Variants in MCC observed in about 807,000 individuals in gnomAD.
The protein encoded by MCC is MCC regulator of Wnt signaling pathway, also known as colorectal mutant cancer protein.
MCC carries 90 observed loss-of-function variants against 116.2 expected under a neutral mutation model. The ratio of observed to expected loss-of-function variants is 0.77; its 90% confidence interval spans 0.65 to 0.92. MCC has a LOEUF of 0.92. Among genes scored for constraint, MCC ranks in the 40% least tolerant of loss-of-function variants. The probability of loss-of-function intolerance (pLI) is 0.00; values close to 1 mark genes in which losing one functional copy is unlikely to be tolerated. For missense variants in MCC, 1,516 were observed against 1,312.2 expected (o/e 1.16, Z -2.40); for synonymous variants, 578 against 510.5 (o/e 1.13, Z -1.78).
At chr5:113,210,961 G>A (rs1002487738) in intron 3 of MCC, among the ~76,000 whole-genome samples, 3 of 152,188 alleles carry the variant, frequency 2.0e-5, no homozygotes, top group Non-Finnish European at 4.4e-5. Context: ...TAAAGGCTTT[G>A]TAAATTAGCT....
intron 6 of MCC, among the ~76,000 whole-genome samples, chr5:113,115,009 G>T (rs1161699160): frequency 1.3e-5 from 2 of 152,182 alleles, no homozygotes; most frequent in African/African-American, 4.8e-5. Flanking sequence ...GGCCCACTGA[G>T]CTGCTTAACA....
At chr5:113,295,054 A>T in intron 3 of MCC, 1 of 611,804 alleles carries the variant, frequency 1.6e-6, no homozygotes, top group Non-Finnish European at 2.0e-6. Context: ...AGCAGAGGAG[A>T]CCGTGCTGGG....
intron 2 of MCC, among the ~76,000 whole-genome samples, chr5:113,361,703 C>G (rs1436385282): frequency 6.6e-6 from 1 of 152,194 alleles, no homozygotes; most frequent in Non-Finnish European, 1.5e-5. Flanking sequence ...TAAGGAAGAT[C>G]TGCCTTCACC....
chr5:113,048,137 G>A (rs1021382637), intron 16 of MCC, among the ~76,000 whole-genome samples: 1 of 152,136 alleles, frequency 6.6e-6, no homozygotes. Context: ...ATGTAAATGG[G>A]GATAACTATT....
At chr5:113,275,934 T>C (rs1033590200) in intron 3 of MCC, among the ~76,000 whole-genome samples, 68 of 152,236 alleles carry the variant, frequency 4.5e-4, no homozygotes, top group African/African-American at 1.4e-3. Context: ...AAATTCCCTT[T>C]TTACAAAACA....
chr5:113,465,824 T>C (rs1195311148), intron 1 of MCC, among the ~76,000 whole-genome samples: 1 of 152,190 alleles, frequency 6.6e-6, no homozygotes, highest in Non-Finnish European at 1.5e-5. Flanking sequence ...AGATGTTAGA[T>C]GATGGAGATT....
At chr5:113,328,486 T>A (rs898400477) in intron 3 of MCC, among the ~76,000 whole-genome samples, 1 of 152,218 alleles carries the variant, frequency 6.6e-6, no homozygotes, top group South Asian at 2.1e-4. Context: ...TTACTACTAA[T>A]GGTTTTCCTC....
intron 3 of MCC, among the ~76,000 whole-genome samples, chr5:113,166,077 T>A (rs1760752567): frequency 6.6e-6 from 1 of 152,148 alleles, no homozygotes; most frequent in African/African-American, 2.4e-5. Flanking sequence ...TAATCCTGAT[T>A]TTCTTGTCAT....
intron 3 of MCC, among the ~76,000 whole-genome samples, chr5:113,306,664 T>G (rs964144412): frequency 2.2e-4 from 34 of 152,326 alleles, no homozygotes; most frequent in African/African-American, 7.7e-4. Flanking sequence ...TCCCATTTTG[T>G]GAGCTGTCTT....
At chr5:113,034,405 T>A (rs1255423922) in intron 17 of MCC, among the ~76,000 whole-genome samples, 1 of 152,174 alleles carries the variant, frequency 6.6e-6, no homozygotes, top group African/African-American at 2.4e-5. Flanking sequence ...TCGTGAGCCA[T>A]CAGTAAGGAG....
At chr5:113,085,421 G>A (rs765443853) in intron 8 of MCC, 111 bp from the exon 9 acceptor site, 11 of 1,067,734 alleles carry the variant, frequency 1.0e-5, no homozygotes, top group East Asian at 2.4e-5. Context: ...TCAGCCCACT[G>A]AAAAGCTAGG....
intron 1 of MCC, chr5:113,433,776 T>G: frequency 6.2e-7 from 1 of 1,613,906 alleles, no homozygotes; most frequent in Non-Finnish European, 8.5e-7. Context: ...GGGGGGCCCT[T>G]CCTCTGTCTC....
At chr5:113,061,320 T>C (rs1357251085) in intron 14 of MCC, among the ~76,000 whole-genome samples, 2 of 152,198 alleles carry the variant, frequency 1.3e-5, no homozygotes, top group Non-Finnish European at 2.9e-5. Context: ...CCACAGTTCC[T>C]TTGTGGATTG....
intron 7 of MCC, among the ~76,000 whole-genome samples, chr5:113,102,228 G>T (rs1221614810): frequency 6.6e-6 from 1 of 152,206 alleles, no homozygotes; most frequent in Non-Finnish European, 1.5e-5. Flanking sequence ...TGTGGTGCTA[G>T]CTGACACATC....
intron 1 of MCC, among the ~76,000 whole-genome samples, chr5:113,471,703 G>T (rs561628994): frequency 1.3e-5 from 2 of 149,428 alleles, no homozygotes; most frequent in African/African-American, 2.5e-5. Flanking sequence ...AGCTGTCAGA[G>T]AGGGACATTT....
intron 3 of MCC, among the ~76,000 whole-genome samples, chr5:113,257,682 G>A (rs80238474): frequency 0.017 from 2,652 of 152,240 alleles, 71 homozygotes; most frequent in African/African-American, 0.057. Context: ...AGCTAGGGCC[G>A]CGAGTGCACA....
chr5:113,406,521 C>T (rs1312686626), intron 1 of MCC, among the ~76,000 whole-genome samples: 4 of 152,146 alleles, frequency 2.6e-5, no homozygotes, highest in Non-Finnish European at 1.5e-5. Flanking sequence ...GTCCTCTGCC[C>T]TCTCCACTGA....
chr5:113,133,175 T>C (rs1315453719), intron 5 of MCC, among the ~76,000 whole-genome samples: 1 of 152,192 alleles, frequency 6.6e-6, no homozygotes, highest in Non-Finnish European at 1.5e-5. Flanking sequence ...CTCTAGTAGC[T>C]ACTTTGAATT....
intron 8 of MCC, among the ~76,000 whole-genome samples, chr5:113,096,557 G>A (rs1165586577): frequency 6.6e-6 from 1 of 152,148 alleles, no homozygotes; most frequent in Non-Finnish European, 1.5e-5. Context: ...AACTTGTACT[G>A]TTGAATATCC....
Sources: allele counts gnomAD v4.1 joint callset (sites outside exome capture counted in the v4.1 genomes callset), GRCh38; gene constraint gnomAD v4.1.1; transcripts MANE v1.5; gene names NCBI Gene and HGNC (gene_info 2026-07-23, HGNC 2026-07-21).